Variants in IGSF9B observed in about 807,000 individuals in gnomAD.
IGSF9B encodes protein turtle homolog B.
IGSF9B carries 48 observed loss-of-function variants against 143.7 expected under a neutral mutation model. That is an observed-to-expected ratio of 0.33 (90% CI 0.26 to 0.42). IGSF9B has a LOEUF of 0.42. Ranked by LOEUF, IGSF9B falls within the 20% of genes least tolerant of loss-of-function variation. IGSF9B has a pLI of 1.00. For synonymous variants in IGSF9B, 903 were observed against 833.1 expected (o/e 1.08, Z -1.44); for missense variants, 1,706 against 1,980.0 (o/e 0.86, Z 2.63).
At chr11:133,910,089 G>A (rs1162003998) in intron 19 of IGSF9B, among the ~76,000 whole-genome samples, 1 of 152,196 alleles carries the variant, frequency 6.6e-6, no homozygotes, top group Non-Finnish European at 1.5e-5. Context: ...AGTTGGAAAA[G>A]AGTGAGGCAA....
At chr11:133,937,099 CAGA>C (rs1270249502) in intron 5 of IGSF9B, among the ~76,000 whole-genome samples, 2 of 152,172 alleles carry the variant, frequency 1.3e-5, no homozygotes, top group African/African-American at 4.8e-5. Context: ...GCTATCTGAA[CAGA>C]AGGAGAAACC....
chr11:133,932,261 A>G (rs1421763366), intron 7 of IGSF9B, 48 bp from the exon 8 acceptor site: 3 of 1,469,898 alleles, frequency 2.0e-6, no homozygotes, highest in South Asian at 1.3e-5. Context: ...AGACACAGGG[A>G]CAGACAGACA....
At position 133,931,964 on chromosome 11, in the gene IGSF9B, C is replaced by T. The variant is rs1318169535; in HGVS notation, c.1110+107G>A. ...GAAGCAGCTCTCTGTTTGCCCAGGG[C>T]TTTTGGAAGGGGCCAGGAGTCCTGG... On this transcript the variant is annotated intron_variant, in intron 8 of 19. Coordinates refer to ENST00000533871, the MANE Select transcript of IGSF9B (RefSeq NM_001277285.4). This position sits in a 1 kb window ranked among gnomAD's most constrained non-coding sequence, Gnocchi z 7.7. 12 of 1,509,022 alleles carry T rather than the reference C, an allele frequency of 8.0e-6. No homozygotes were observed. The East Asian group carries it at 2.6e-4, about 32-fold the overall frequency. 93.5% of individuals were successfully genotyped at this position (1,509,022 alleles called of 1,614,324 possible).
intron 14 of IGSF9B, 73 bp downstream of exon 14, chr11:133,925,666 G>A: frequency 7.5e-7 from 1 of 1,330,058 alleles, no homozygotes. Flanking sequence ...GTCACTCAAA[G>A]CTTCCAGTGC....
chr11:133,936,610 C>G (rs1939828406), intron 5 of IGSF9B, among the ~76,000 whole-genome samples: 1 of 152,172 alleles, frequency 6.6e-6, no homozygotes, highest in African/African-American at 2.4e-5. Context: ...GTCCAGCAGT[C>G]CTGGTGCTGG....
rs976433732 is a variant in IGSF9B at position 133,920,380 on chromosome 11, C to T, written c.3345G>A (p.Ala1115=). The T allele has an allele frequency of 8.1e-6, 13 of 1,603,312 alleles. No homozygotes were observed. The highest frequency in any genetic ancestry group is 6.7e-5 in the African/African-American group (5 of 74,598). The part of the protein sequence containing the change: ...GKSPGRGPVP[A]PPAAKWQDRP... ...TGTCCTGCCACTTGGCGGCGGGGGG[C>T]GCTGGGACAGGGCCCCTGCCGGGCG... Residue 1115 remains alanine, a synonymous_variant, in exon 18 of 20, where the codon GCG becomes GCA. Coordinates refer to ENST00000533871, the MANE Select transcript of IGSF9B (RefSeq NM_001277285.4).
rs1239215862 is a variant in IGSF9B at position 133,941,322 on chromosome 11, TTA to T, written c.409+2896_409+2897del. On this transcript the variant is annotated intron_variant, in intron 3 of 19. Transcript: ENST00000533871. ...GCTTGGCTCAGGCTTTTGGGGTATT[TTA>T]TATGTGATAAAGAAATAATTGGGTC... Among the ~76,000 whole-genome samples the T allele has an allele frequency of 5.9e-5, 9 of 152,326 alleles. No homozygotes were observed. The South Asian group carries it at 8.3e-4, about 14-fold the overall frequency.
chr11:133,947,093 C>T (rs1940066826), intron 1 of IGSF9B, among the ~76,000 whole-genome samples: 1 of 152,152 alleles, frequency 6.6e-6, no homozygotes, highest in South Asian at 2.1e-4. Flanking sequence ...GAACACCCAC[C>T]CTGGCTGGCA....
intron 3 of IGSF9B, among the ~76,000 whole-genome samples, chr11:133,943,069 C>T (rs996961006): frequency 6.6e-6 from 1 of 152,158 alleles, no homozygotes; most frequent in Non-Finnish European, 1.5e-5. Context: ...CAGACAGAGC[C>T]ACCCTTCGGA....
chr11:133,939,241 T>C (rs1456945002), intron 3 of IGSF9B, among the ~76,000 whole-genome samples: 1 of 152,246 alleles, frequency 6.6e-6, no homozygotes, highest in African/African-American at 2.4e-5. Flanking sequence ...CTTTGGGTTA[T>C]GCAAGTCTTT....
chr11:133,909,463 C>T lies in IGSF9B; in HGVS notation c.4106-186G>A, dbSNP rs186998813. Among the ~76,000 whole-genome samples the T allele has an allele frequency of 2.8e-3, 426 of 152,260 alleles. 2 individuals are homozygous for T. Among genetic ancestry groups the T allele is most frequent in the Middle Eastern group, 0.02 (6 of 294 alleles). On this transcript the variant is annotated intron_variant, in intron 19 of 19. Coordinates refer to ENST00000533871, the MANE Select transcript of IGSF9B (RefSeq NM_001277285.4). This position sits in a 1 kb window ranked among gnomAD's most constrained non-coding sequence, Gnocchi z 4.2. ...CCACCTTCTTTTCCGCCAAGACAACCAGCAACCTGACCCTGCTCCTTTCAC... is the reference window on the plus strand; with the variant it reads ...CCACCTTCTTTTCCGCCAAGACAACTAGCAACCTGACCCTGCTCCTTTCAC...
At position 133,936,187 on chromosome 11, in the gene IGSF9B, A is replaced by G; in HGVS notation, c.687T>C (p.Pro229=). The G allele has an allele frequency of 6.2e-7, 1 of 1,609,954 alleles. No homozygotes were observed. The highest frequency in any genetic ancestry group is 8.5e-7 in the Non-Finnish European group (1 of 1,178,326). The change falls in exon 6 of 20, where the codon CCT becomes CCC. Residue 229 remains proline, a synonymous_variant. Coordinates refer to ENST00000533871, the MANE Select transcript of IGSF9B (RefSeq NM_001277285.4). The part of the protein sequence containing the change: ...HTTHLLVQGP[P]FIVSPPENIT... ...TGTTCTCAGGAGGGGAGACGATGAA[A>G]GGGGGCCCTGGGGAGAGCAGGGAAC...
intron 19 of IGSF9B, 108 bp downstream of exon 19, chr11:133,911,778 T>C (rs1591707216): frequency 6.6e-6 from 7 of 1,058,738 alleles, no homozygotes; most frequent in Non-Finnish European, 8.8e-6. Flanking sequence ...AAGCCCAAGG[T>C]TGGGGCCCTG....
rs374590478 is a variant in IGSF9B at position 133,930,980 on chromosome 11, G to A, written c.1519+4C>T. The A allele has an allele frequency of 7.0e-5, 113 of 1,607,978 alleles. No homozygotes were observed. In the South Asian group the frequency reaches 7.4e-4, roughly 11 times the overall value. ...CGCCCGGCCCAGCCTTGCCGGCCACGTACCGATGACGGTGAGGTGGGTGCT... is the reference window on the plus strand; with the variant it reads ...CGCCCGGCCCAGCCTTGCCGGCCACATACCGATGACGGTGAGGTGGGTGCT... On this transcript the variant is annotated splice_donor_region_variant and intron_variant, in intron 11 of 19. Coordinates refer to ENST00000533871, the MANE Select transcript of IGSF9B (RefSeq NM_001277285.4).
At chr11:133,911,273 C>T (rs923097771) in intron 19 of IGSF9B, among the ~76,000 whole-genome samples, 2 of 152,198 alleles carry the variant, frequency 1.3e-5, no homozygotes, top group Non-Finnish European at 2.9e-5. Context: ...AGATACACAT[C>T]GGACATACTT....
chr11:133,938,716 CCA>C (rs1939870448), intron 3 of IGSF9B, among the ~76,000 whole-genome samples: 1 of 152,138 alleles, frequency 6.6e-6, no homozygotes, highest in Non-Finnish European at 1.5e-5. Flanking sequence ...AAGGAGGCCC[CCA>C]GTTCTGAACT....
Position 133,908,103 on chromosome 11 carries a change from G to C in IGSF9B, c.*966C>G, listed in dbSNP as rs1167228971. 6.6e-6 allele frequency among the ~76,000 whole-genome samples: 1 copy of C among 152,220 alleles called. No homozygotes were observed. The highest frequency in any genetic ancestry group is 1.5e-5 in the Non-Finnish European group (1 of 68,036). On this transcript the variant is annotated 3_prime_UTR_variant, in exon 20 of 20. Coordinates refer to ENST00000533871, the MANE Select transcript of IGSF9B (RefSeq NM_001277285.4). ...GGTGGCTCCGCAGTGGGGAGACTTT[G>C]GCCACAGAGCTCACGGCCTGGCTGG...
rs1013722631 is a variant in IGSF9B, at chr11:133,945,636, C to T, written c.262+425G>A. 2.0e-5 allele frequency among the ~76,000 whole-genome samples: 3 copies of T among 152,106 alleles called. No homozygotes were observed. The highest frequency in any genetic ancestry group is 4.4e-5 in the Non-Finnish European group (3 of 68,022). ...GAGGCAGACACCAGGCACCTGCAAA[C>T]GGTGGGAGGCCAAAGATTCATCCAT... On this transcript the variant is annotated intron_variant, in intron 2 of 19. Transcript: ENST00000533871. This position sits in a 1 kb window ranked among gnomAD's most constrained non-coding sequence, Gnocchi z 4.6.
Position 133,944,764 on chromosome 11 carries a change from G to A in IGSF9B, c.263-398C>T, listed in dbSNP as rs559177830. ...GCCAACAGAAGAGGATGGGTGGGGG[G>A]TCTCCAGCGCACCCGGGAGCACCTC... On this transcript the variant is annotated intron_variant, in intron 2 of 19. Coordinates refer to ENST00000533871, the MANE Select transcript of IGSF9B (RefSeq NM_001277285.4). Among the ~76,000 whole-genome samples the A allele has an allele frequency of 2.6e-5, 4 of 152,302 alleles. No homozygotes were observed. The East Asian group carries it at 7.7e-4, about 29-fold the overall frequency.
Sources: gnomAD v4.1 joint callset for allele counts (sites outside exome capture counted in the v4.1 genomes callset) on GRCh38, gnomAD v4.1.1 for gene constraint, Gnocchi (gnomAD v3.1) non-coding constraint, MANE v1.5 for transcripts, NCBI Gene and HGNC (gene_info 2026-07-23, HGNC 2026-07-21) for gene names.